The following OXSR1 variants were observed in gnomAD, a reference collection of about 807,000 sequenced individuals.
The protein encoded by OXSR1 is serine/threonine-protein kinase OSR1.
In OXSR1, 24 loss-of-function variants were observed where a neutral mutation model predicts 79.8. The observed-to-expected ratio is 0.30, with a 90% CI of 0.22 to 0.42. OXSR1 has a LOEUF of 0.42. Ranked by LOEUF, OXSR1 falls within the 10% of genes least tolerant of loss-of-function variation. The pLI, the probability that OXSR1 is intolerant of heterozygous loss-of-function variation, is 1.00. For missense variants in OXSR1, 430 were observed against 618.4 expected, an observed-to-expected ratio of 0.70 and a Z score of 3.23; for synonymous variants, 226 against 209.2, an observed-to-expected ratio of 1.08 and a Z score of -0.69.
At chr3:38,222,171 C>A (rs1423741643) in intron 6 of OXSR1, among the ~76,000 whole-genome samples, 1 of 152,138 alleles carries the variant, frequency 6.6e-6, no homozygotes, top group Non-Finnish European at 1.5e-5. Context: ...ATGGGAATGG[C>A]TGAACATACA....
At chr3:38,166,332 G>T (rs1701455337) in intron 1 of OXSR1, among the ~76,000 whole-genome samples, 1 of 152,140 alleles carries the variant, frequency 6.6e-6, no homozygotes, top group Admixed American at 6.5e-5. Flanking sequence ...TTCTGGGATT[G>T]TGGGATAGAT....
At chr3:38,198,105 G>A (rs536851966) in intron 3 of OXSR1, among the ~76,000 whole-genome samples, 33 of 152,286 alleles carry the variant, frequency 2.2e-4, no homozygotes, top group Non-Finnish European at 4.1e-4. Context: ...TTTAGTAGGA[G>A]CATTATTTCT....
chr3:38,234,032 A>G (rs1004633170), intron 10 of OXSR1, among the ~76,000 whole-genome samples: 1 of 152,252 alleles, frequency 6.6e-6, no homozygotes, highest in Non-Finnish European at 1.5e-5. Context: ...TGGCCTTGGT[A>G]CAACTGAATA....
rs1257034745 is a variant in OXSR1 at position 38,180,481 on chromosome 3, A to T, written c.71-2522A>T. On this transcript the variant is annotated intron_variant, in intron 1 of 17. Coordinates refer to ENST00000311806, the MANE Select transcript of OXSR1 (RefSeq NM_005109.3). ...CATAATGCAAACAGTGTTTTTAGGCATGTGTCCGTATTTGCTCCCTGGCTC... is the reference window on the plus strand; with the variant it reads ...CATAATGCAAACAGTGTTTTTAGGCTTGTGTCCGTATTTGCTCCCTGGCTC... Among the ~76,000 whole-genome samples, 5 of 148,826 alleles carry T rather than the reference A, an allele frequency of 3.4e-5. 1 individual carries two copies. Among genetic ancestry groups the T allele is most frequent in the Non-Finnish European group, 7.4e-5 (5 of 67,472 alleles).
intron 10 of OXSR1, among the ~76,000 whole-genome samples, chr3:38,232,605 T>C (rs1702834022): frequency 6.6e-6 from 1 of 151,082 alleles, no homozygotes; most frequent in African/African-American, 2.4e-5. Context: ...AATACAAAAA[T>C]TAAAATTAGC....
At chr3:38,250,191 C>A in intron 15 of OXSR1, 173 bp downstream of exon 15, 2 of 577,580 alleles carry the variant, frequency 3.5e-6, no homozygotes, top group Non-Finnish European at 3.1e-6. Flanking sequence ...CTACTAAACA[C>A]ATTTAGAAAA....
At chr3:38,248,453 GA>G (rs897185944) in intron 14 of OXSR1, among the ~76,000 whole-genome samples, 4 of 147,796 alleles carry the variant, frequency 2.7e-5, no homozygotes, top group Admixed American at 7.0e-5. Flanking sequence ...AAATGCATTT[GA>G]AAAAAAATTA....
intron 11 of OXSR1, among the ~76,000 whole-genome samples, chr3:38,240,878 A>G (rs1057274010): frequency 2.0e-5 from 3 of 152,166 alleles, no homozygotes; most frequent in Non-Finnish European, 4.4e-5. Context: ...CAAATGGGGG[A>G]AAAGGAATGG....
At chr3:38,229,377 TTAA>T (rs1702758389) in intron 8 of OXSR1, among the ~76,000 whole-genome samples, 1 of 151,584 alleles carries the variant, frequency 6.6e-6, no homozygotes, top group African/African-American at 2.4e-5. Flanking sequence ...AAATATTAAA[TTAA>T]TATTATTAAA....
intron 2 of OXSR1, 123 bp from the exon 3 acceptor site, chr3:38,190,606 CAG>C: frequency 3.3e-6 from 2 of 612,504 alleles, no homozygotes; most frequent in East Asian, 5.6e-5. Flanking sequence ...TTGAAGAAAT[CAG>C]AGCCATGGAG....
chr3:38,191,914 C>T (rs1701991282), intron 3 of OXSR1, among the ~76,000 whole-genome samples: 1 of 152,092 alleles, frequency 6.6e-6, no homozygotes, highest in Admixed American at 6.6e-5. Context: ...AACTGACATC[C>T]TTCTATGAAG....
chr3:38,184,280 T>G (rs949621833), intron 2 of OXSR1, among the ~76,000 whole-genome samples: 2 of 152,184 alleles, frequency 1.3e-5, no homozygotes, highest in Non-Finnish European at 2.9e-5. Context: ...CTTTAGGAAT[T>G]GGTAATGTAC....
rs1703319561 is a variant in OXSR1 at position 38,254,434 on chromosome 3, G to T, written c.*1543G>T. 1 of 389,764 alleles carries T rather than the reference G, an allele frequency of 2.6e-6. No individual in the cohort carries two copies. The highest frequency in any genetic ancestry group is 2.1e-5 in the African/African-American group (1 of 48,368). 24.1% of individuals were successfully genotyped at this position (389,764 alleles called of 1,614,324 possible). On this transcript the variant is annotated 3_prime_UTR_variant, in exon 18 of 18. Transcript: ENST00000311806. ...AAGAGATGGATGTTGGGGAGGAAGA[G>T]AGGAGATGGATTTCAGTTGGGAGTT...
intron 16 of OXSR1, 127 bp from the exon 17 acceptor site, chr3:38,252,201 G>T (rs1703271995): frequency 1.4e-6 from 1 of 714,520 alleles, no homozygotes; most frequent in South Asian, 1.6e-5. Flanking sequence ...GTGATTATTT[G>T]ATCTGTCTGC....
intron 4 of OXSR1, among the ~76,000 whole-genome samples, chr3:38,213,471 A>G (rs1233247151): frequency 6.6e-6 from 1 of 152,200 alleles, no homozygotes; most frequent in African/African-American, 2.4e-5. Flanking sequence ...TTGCAGCTGA[A>G]TATAGTATAA....
At chr3:38,189,603 T>C (rs1392753477) in intron 2 of OXSR1, among the ~76,000 whole-genome samples, 2 of 152,228 alleles carry the variant, frequency 1.3e-5, no homozygotes, top group Non-Finnish European at 2.9e-5. Flanking sequence ...GTTGATCTTA[T>C]TGAACAAATC....
At chr3:38,167,663 A>G (rs1260694701) in intron 1 of OXSR1, among the ~76,000 whole-genome samples, 1 of 152,222 alleles carries the variant, frequency 6.6e-6, no homozygotes, top group Non-Finnish European at 1.5e-5. Flanking sequence ...GACTAAATAA[A>G]GACATCACAT....
rs1455666543 is a variant in OXSR1 at position 38,252,882 on chromosome 3, C to T, written c.1575C>T (p.Ser525=). Reference sequence around the variant, plus strand: ...AACTGATAGGATTTGCCCAGCTCAGCATCAGCTAAACCACAACCCTGGAAG... The same window carrying T: ...AACTGATAGGATTTGCCCAGCTCAGTATCAGCTAAACCACAACCCTGGAAG... ...DGKLIGFAQL[S]IS The change falls in exon 18 of 18, where the codon AGC becomes AGT. Residue 525 remains serine (S), a synonymous_variant. Transcript: ENST00000311806. 6.2e-7 allele frequency: 1 copy of T among 1,613,466 alleles called. No individual in the cohort carries two copies. The highest frequency in any genetic ancestry group is 1.1e-5 in the South Asian group (1 of 91,072).
At chr3:38,251,326 A>G in intron 15 of OXSR1, 77 bp from the exon 16 acceptor site, 2 of 1,193,656 alleles carry the variant, frequency 1.7e-6, no homozygotes, top group South Asian at 1.2e-5. Flanking sequence ...TGGCACACTG[A>G]CACCCACATG....
Sources: gnomAD v4.1 joint callset for allele counts (sites outside exome capture counted in the v4.1 genomes callset) on GRCh38, gnomAD v4.1.1 for gene constraint, MANE v1.5 for transcripts, NCBI Gene and HGNC (gene_info 2026-07-23, HGNC 2026-07-21) for gene names.